Variants in MLLT3 observed in about 807,000 individuals in gnomAD.
MLLT3 encodes the protein protein AF-9.
MLLT3 carries 4 observed loss-of-function variants against 53.2 expected under a neutral mutation model. The observed-to-expected ratio is 0.08, with a 90% CI of 0.04 to 0.17. The LOEUF is 0.17. Ranked by LOEUF, MLLT3 falls within the 10% of genes least tolerant of loss-of-function variation. The pLI, the probability that MLLT3 is intolerant of heterozygous loss-of-function variation, is 1.00. For synonymous variants in MLLT3, 283 were observed against 230.6 expected (o/e 1.23, Z -2.06); for missense variants, 569 against 684.0 (o/e 0.83, Z 1.87).
Position 20,342,281 on chromosome 9 carries a change from AG to A in MLLT3, c.*4161del, listed in dbSNP as rs1820753664. 1 of 223,454 alleles carries A rather than the reference AG, an allele frequency of 4.5e-6. No homozygotes were observed. Among genetic ancestry groups the A allele is most frequent in the African/African-American group, 2.2e-5 (1 of 44,848 alleles). 13.8% of individuals were successfully genotyped at this position (223,454 alleles called of 1,614,324 possible). ...GTACTTACATTTCAACATGGATTTT[AG>A]AGAAGGGAAATACATCTTACAGTGT... On this transcript the variant is annotated 3_prime_UTR_variant, in exon 11 of 11. Coordinates refer to ENST00000380338, the MANE Select transcript of MLLT3 (RefSeq NM_004529.4).
chr9:20,426,156 T>C (rs753563114), intron 4 of MLLT3, among the ~76,000 whole-genome samples: 5 of 152,124 alleles, frequency 3.3e-5, no homozygotes, highest in Non-Finnish European at 7.4e-5. Context: ...CATAGTTAAG[T>C]ACTACTGACT....
intron 6 of MLLT3, among the ~76,000 whole-genome samples, chr9:20,365,468 G>GC (rs1821426623): frequency 6.6e-6 from 1 of 152,220 alleles, no homozygotes; most frequent in Non-Finnish European, 1.5e-5. Context: ...CCCCCGAGCA[G>GC]CTGGGACTAC....
intron 2 of MLLT3, chr9:20,533,138 A>ACAG: frequency 3.7e-6 from 1 of 272,514 alleles, no homozygotes; most frequent in South Asian, 4.1e-5. Context: ...CATCTAGTTC[A>ACAG]CAGGAAGACC....
At position 20,369,500 on chromosome 9, in the gene MLLT3, G is replaced by C. The variant is rs187106214; in HGVS notation, c.1126-3756C>G. Reference sequence around the variant, plus strand: ...ATTGCCACTTAATGAAAACATTTATGAAGCATGTACAACCATGTTGTGGGG... The same window carrying C: ...ATTGCCACTTAATGAAAACATTTATCAAGCATGTACAACCATGTTGTGGGG... On this transcript the variant is annotated intron_variant, in intron 5 of 10. Coordinates refer to ENST00000380338, the MANE Select transcript of MLLT3 (RefSeq NM_004529.4). Among the ~76,000 whole-genome samples, 6 of 152,288 alleles carry C rather than the reference G, an allele frequency of 3.9e-5. No individual in the cohort carries two copies. In the South Asian group the frequency reaches 6.2e-4, roughly 16 times the overall value.
intron 2 of MLLT3, among the ~76,000 whole-genome samples, chr9:20,561,672 C>T (rs1163711178): frequency 6.6e-6 from 1 of 152,142 alleles, no homozygotes; most frequent in East Asian, 1.9e-4. Context: ...ATCAATGATT[C>T]AAGCACATTA....
chr9:20,474,624 C>G (rs1378669472), intron 2 of MLLT3, among the ~76,000 whole-genome samples: 1 of 151,948 alleles, frequency 6.6e-6, no homozygotes, highest in African/African-American at 2.4e-5. Context: ...ATACAGCCCC[C>G]TCTCTGATCT....
intron 2 of MLLT3, among the ~76,000 whole-genome samples, chr9:20,590,763 T>C (rs1204001319): frequency 6.6e-6 from 1 of 152,216 alleles, no homozygotes; most frequent in Non-Finnish European, 1.5e-5. Context: ...AGTGGCATTG[T>C]CTTGCTCTGT....
At chr9:20,442,626 G>A (rs1823582839) in intron 4 of MLLT3, among the ~76,000 whole-genome samples, 1 of 152,106 alleles carries the variant, frequency 6.6e-6, no homozygotes, top group African/African-American at 2.4e-5. Flanking sequence ...GTAATAAAAT[G>A]CTGTGTTCAG....
intron 2 of MLLT3, among the ~76,000 whole-genome samples, chr9:20,615,737 G>T (rs2780847): frequency 0.84 from 128,191 of 151,806 alleles, 54,717 homozygotes; most frequent in African/African-American, 0.96. Flanking sequence ...ATTAAGTTAT[G>T]TGCCTTTTTC....
chr9:20,622,004 G>A lies in MLLT3; in HGVS notation c.12+241C>T, dbSNP rs905990060. The A allele has an allele frequency of 1.1e-5, 15 of 1,390,480 alleles. No homozygotes were observed. In the East Asian group the frequency reaches 2.3e-4, roughly 21 times the overall value. The allele number at this position is 1,390,480 out of a possible 1,614,324, so 86.1% of individuals were successfully genotyped here. ...GGCGAGGAGGGAGGGAGGCGCGGGG[G>A]GTGGAGGGGCGAGTGTGAGCGTGTG... On this transcript the variant is annotated intron_variant, in intron 1 of 10. Coordinates refer to ENST00000380338, the MANE Select transcript of MLLT3 (RefSeq NM_004529.4).
At chr9:20,435,710 C>T (rs1322312906) in intron 4 of MLLT3, among the ~76,000 whole-genome samples, 4 of 152,112 alleles carry the variant, frequency 2.6e-5, no homozygotes, top group East Asian at 1.9e-4. Flanking sequence ...AAGGTCCTCT[C>T]GAACTTGATT....
At chr9:20,437,265 G>A (rs1013918629) in intron 4 of MLLT3, among the ~76,000 whole-genome samples, 2 of 152,102 alleles carry the variant, frequency 1.3e-5, no homozygotes, top group South Asian at 4.1e-4. Context: ...CACATTCTAT[G>A]TTGCTCTGCA....
At chr9:20,392,820 G>A (rs930971197) in intron 5 of MLLT3, among the ~76,000 whole-genome samples, 2 of 152,140 alleles carry the variant, frequency 1.3e-5, no homozygotes, top group African/African-American at 4.8e-5. Flanking sequence ...TGTAGAGTGA[G>A]TACAAATCCA....
At chr9:20,483,531 C>A (rs2118908847) in intron 2 of MLLT3, among the ~76,000 whole-genome samples, 1 of 151,738 alleles carries the variant, frequency 6.6e-6, no homozygotes, top group African/African-American at 2.4e-5. Context: ...CTGTGCCTGG[C>A]CAATGATTAC....
chr9:20,619,182 A>G (rs1820921892), intron 2 of MLLT3, among the ~76,000 whole-genome samples: 1 of 152,222 alleles, frequency 6.6e-6, no homozygotes, highest in Non-Finnish European at 1.5e-5. Context: ...ATCTCTGACT[A>G]TATTTTAACA....
chr9:20,425,973 AAAT>A (rs1356600346), intron 4 of MLLT3, among the ~76,000 whole-genome samples: 1 of 152,054 alleles, frequency 6.6e-6, no homozygotes, highest in Non-Finnish European at 1.5e-5. Flanking sequence ...ATATTTTACA[AAAT>A]AATATTTTAA....
At chr9:20,588,780 A>G (rs913867469) in intron 2 of MLLT3, among the ~76,000 whole-genome samples, 36 of 152,316 alleles carry the variant, frequency 2.4e-4, no homozygotes, top group African/African-American at 7.7e-4. Context: ...CAATCATGTC[A>G]TCTGCAAACA....
intron 2 of MLLT3, among the ~76,000 whole-genome samples, chr9:20,591,899 C>T (rs897110227): frequency 6.6e-5 from 10 of 152,120 alleles, no homozygotes; most frequent in African/African-American, 2.4e-4. Flanking sequence ...TACGGTGGCA[C>T]ACTTGTAGCT....
chr9:20,357,885 A>C lies in MLLT3; in HGVS notation c.1431+2857T>G, dbSNP rs886538216. ...TCCCATTTCGGAGTTAGTCCTTCCA[A>C]GTATGTTCTCAACTCTTTATTAATC... On this transcript the variant is annotated intron_variant, in intron 8 of 10. Coordinates refer to ENST00000380338, the MANE Select transcript of MLLT3 (RefSeq NM_004529.4). 5.9e-5 allele frequency among the ~76,000 whole-genome samples: 9 copies of C among 151,866 alleles called. 1 individual carries two copies. Among genetic ancestry groups the C allele is most frequent in the African/African-American group, 2.2e-4 (9 of 41,314 alleles).
Sources: gnomAD v4.1 joint callset for allele counts (sites outside exome capture counted in the v4.1 genomes callset) on GRCh38, gnomAD v4.1.1 for gene constraint, MANE v1.5 for transcripts, NCBI Gene and HGNC (gene_info 2026-07-23, HGNC 2026-07-21) for gene names.